The following PCK1 variants were observed in gnomAD, a reference collection of about 807,000 sequenced individuals.
PCK1 encodes phosphoenolpyruvate carboxykinase, cytosolic [GTP].
Under a neutral mutation model 50.3 loss-of-function variants are expected in PCK1, and 44 were observed. The ratio of observed to expected loss-of-function variants is 0.87; its 90% CI spans 0.69 to 1.12. The LOEUF is 1.12. PCK1 is among the 50% of genes most tolerant of loss of function. The pLI is 0.00. For missense variants in PCK1, 790 were observed against 815.0 expected (o/e 0.97, Z 0.37); for synonymous variants, 332 against 314.3 (o/e 1.06, Z -0.59).
intron 3 of PCK1, 183 bp downstream of exon 3, chr20:57,562,435 T>C (rs1404151513): frequency 4.6e-6 from 3 of 645,528 alleles, no homozygotes; most frequent in East Asian, 5.5e-5. Context: ...CAGACTGTCT[T>C]ATACAAACGT....
rs138176491 is a variant in PCK1 at position 57,563,059 on chromosome 20, G to A, written c.642G>A (p.Pro214=). Residue 214 remains proline (P), a synonymous_variant, in exon 5 of 10, where the codon CCG becomes CCA. Transcript: ENST00000319441. ...TGGTCAACAACTGGCCCTGCAACCC[G>A]GAGCTGACGCTCATCGCCCACCTGC... is the stretch of plus-strand genomic sequence containing the variant. ...KPLVNNWPCN[P]ELTLIAHLPD... 4.0e-5 allele frequency: 65 copies of A among 1,613,990 alleles called. No individual in the cohort carries two copies. Among genetic ancestry groups the A allele is most frequent in the Middle Eastern group, 3.3e-4 (2 of 6,060 alleles).
Position 57,565,922 on chromosome 20 carries a change from C to G in PCK1, c.*118C>G. 1 of 725,328 alleles carries G rather than the reference C, an allele frequency of 1.4e-6. No individual in the cohort carries two copies. The highest frequency in any genetic ancestry group is 2.2e-6 in the Non-Finnish European group (1 of 449,764). 44.9% of individuals were successfully genotyped at this position (725,328 alleles called of 1,614,324 possible). On this transcript the variant is annotated 3_prime_UTR_variant, in exon 10 of 10. Coordinates refer to ENST00000319441, the MANE Select transcript of PCK1 (RefSeq NM_002591.4). Reference sequence around the variant, plus strand: ...GCCACCATAATAATCATCACCACACCGTGAGCAGATCTGAAAGGCACACTT... The same window carrying G: ...GCCACCATAATAATCATCACCACACGGTGAGCAGATCTGAAAGGCACACTT...
rs17847716 is a variant in PCK1, at chr20:57,563,074, C to T, written c.657C>T (p.Ile219=). The part of the protein sequence containing the change: ...NWPCNPELTL[I]AHLPDRREII... Reference sequence around the variant, plus strand: ...CCTGCAACCCGGAGCTGACGCTCATCGCCCACCTGCCTGACCGCAGAGAGA... The same window carrying T: ...CCTGCAACCCGGAGCTGACGCTCATTGCCCACCTGCCTGACCGCAGAGAGA... Residue 219 remains isoleucine (I), a synonymous_variant, in exon 5 of 10, where the codon ATC becomes ATT. Coordinates refer to ENST00000319441, the MANE Select transcript of PCK1 (RefSeq NM_002591.4). 331 of 1,614,092 alleles carry T rather than the reference C, an allele frequency of 2.1e-4. No individual in the cohort carries two copies. In the African/African-American group the frequency reaches 2.4e-3, roughly 12 times the overall value.
chr20:57,564,232 A>G lies in PCK1; in HGVS notation c.1025A>G (p.Lys342Arg). 2 of 1,614,166 alleles carry G rather than the reference A, an allele frequency of 1.2e-6. No individual in the cohort carries two copies. Among genetic ancestry groups the G allele is most frequent in the Non-Finnish European group, 1.7e-6 (2 of 1,180,044 alleles). The change falls in exon 7 of 10, where the codon AAG (lysine) becomes AGG (arginine). Residue 342 changes from lysine to arginine, a missense_variant. Transcript: ENST00000319441. ...GGTGTCGCTCCTGGGACTTCAGTGAAGACCAACCCCAATGCCATCAAGACC... is the reference window on the plus strand; with the variant it reads ...GGTGTCGCTCCTGGGACTTCAGTGAGGACCAACCCCAATGCCATCAAGACC... Reference protein sequence around the residue: ...FFGVAPGTSVKTNPNAIKTIQ... With the variant: ...FFGVAPGTSVRTNPNAIKTIQ...
Position 57,567,431 on chromosome 20 carries a change from T to C in PCK1, c.*1627T>C, listed in dbSNP as rs1404001713. ...TCCTTCCCCATTAAGGAGCTGAGAGTCTTAGCTCCAGACACGTTGGCTTGT... is the reference window on the plus strand; with the variant it reads ...TCCTTCCCCATTAAGGAGCTGAGAGCCTTAGCTCCAGACACGTTGGCTTGT... On this transcript the variant is annotated 3_prime_UTR_variant, in exon 10 of 10. Coordinates refer to ENST00000319441, the MANE Select transcript of PCK1 (RefSeq NM_002591.4). The C allele has an allele frequency of 1.3e-5, 2 of 152,060 alleles. No individual in the cohort carries two copies. Among genetic ancestry groups the C allele is most frequent in the East Asian group, 1.9e-4 (1 of 5,184 alleles). The allele number at this position is 152,060 out of a possible 1,614,324, so 9.4% of individuals were successfully genotyped here.
chr20:57,564,710 G>T (rs2070186940), intron 8 of PCK1, 97 bp downstream of exon 8: 2 of 1,123,608 alleles, frequency 1.8e-6, no homozygotes, highest in African/African-American at 1.6e-5. Context: ...GTCAGAGGGT[G>T]CCCAGGGGCT....
chr20:57,562,201 G>A lies in PCK1; in HGVS notation c.355G>A (p.Glu119Lys), dbSNP rs1161582719. The A allele has an allele frequency of 1.9e-6, 3 of 1,614,104 alleles. No homozygotes were observed. The highest frequency in any genetic ancestry group is 2.7e-5 in the African/African-American group (2 of 74,946). The change falls in exon 3 of 10, where the codon GAG (glutamate) becomes AAG (lysine). Residue 119 changes from glutamate to lysine, a missense_variant. Coordinates refer to ENST00000319441, the MANE Select transcript of PCK1 (RefSeq NM_002591.4). ...GLSQLGRWMSEEDFEKAFNAR... is the reference protein window; with the variant it reads ...GLSQLGRWMSKEDFEKAFNAR... ...CAGCCAGCTCGGTCGCTGGATGTCA[G>A]AGGAGGATTTTGAGAAAGCGTTCAA...
chr20:57,565,086 T>C lies in PCK1; in HGVS notation c.1365T>C (p.Phe455=). The C allele has an allele frequency of 1.9e-6, 3 of 1,614,018 alleles. No homozygotes were observed. Among genetic ancestry groups the C allele is most frequent in the South Asian group, 1.1e-5 (1 of 91,068 alleles). Residue 455 remains phenylalanine (F), a synonymous_variant, in exon 9 of 10, where the codon TTT becomes TTC. Coordinates refer to ENST00000319441, the MANE Select transcript of PCK1 (RefSeq NM_002591.4). ...CTCTCAGCTGGCAACATGGAGTCTT[T>C]GTGGGGGCGGCCATGAGATCAGAGG... ...YEALSWQHGV[F]VGAAMRSEAT... is the part of the protein sequence containing the mutation.
At chr20:57,563,813 A>T (rs1347420012) in intron 6 of PCK1, 86 bp downstream of exon 6, 2 of 1,152,062 alleles carry the variant, frequency 1.7e-6, no homozygotes, top group African/African-American at 3.1e-5. Context: ...TCCTCAGTCC[A>T]GTGTTTGGAT....
At position 57,561,426 on chromosome 20, in the gene PCK1, G is replaced by A. The variant is rs2146526017; in HGVS notation, c.15G>A (p.Leu5=). Reference sequence around the variant, plus strand: ...ACTCTGCAGAAATGCCTCCTCAGCTGCAAAACGGCCTGAACCTCTCGGCCA... The same window carrying A: ...ACTCTGCAGAAATGCCTCCTCAGCTACAAAACGGCCTGAACCTCTCGGCCA... MPPQ[L]QNGLNLSAKV... is the part of the protein sequence containing the mutation. Residue 5 remains leucine, a synonymous_variant, in exon 2 of 10, where the codon CTG becomes CTA. Transcript: ENST00000319441. The A allele has an allele frequency of 1.9e-6, 3 of 1,612,246 alleles. No individual in the cohort carries two copies. The highest frequency in any genetic ancestry group is 2.5e-6 in the Non-Finnish European group (3 of 1,179,226).
Position 57,565,040 on chromosome 20 carries a change from G to T in PCK1, c.1319G>T (p.Gly440Val), listed in dbSNP as rs151290242. 27 of 1,608,688 alleles carry T rather than the reference G, an allele frequency of 1.7e-5. No homozygotes were observed. In the African/African-American group the frequency reaches 2.0e-4, roughly 12 times the overall value. The change falls in exon 9 of 10, where the codon GGT becomes GTT. Residue 440 changes from glycine to valine, a missense_variant and splice_region_variant. Gly to Val is a moderately radical substitution (Grantham distance 109). Coordinates refer to ENST00000319441, the MANE Select transcript of PCK1 (RefSeq NM_002591.4). ...TTTCTCTTTTTTTTTCCTGCTAAAG[G>T]TGTCCCTCTAGTCTATGAAGCTCTC... Reference protein sequence around the residue: ...GIIFGGRRPAGVPLVYEALSW... With the variant: ...GIIFGGRRPAVVPLVYEALSW...
chr20:57,563,136 T>C lies in PCK1; in HGVS notation c.719T>C (p.Leu240Pro). Residue 240 changes from leucine to proline, a missense_variant, in exon 5 of 10, where the codon CTG becomes CCG. Leu to Pro is a moderately conservative substitution (Grantham distance 98). Transcript: ENST00000319441. ...GGCAGTGGGTACGGCGGGAACTCGC[T>C]GCTCGGGAAGAAGTGCTTTGCTCTC... ...SFGSGYGGNS[L>P]LGKKCFALRM... 1.2e-6 allele frequency: 2 copies of C among 1,613,848 alleles called. No individual in the cohort carries two copies. Among genetic ancestry groups the C allele is most frequent in the Non-Finnish European group, 1.7e-6 (2 of 1,180,024 alleles).
rs1353877376 is a variant in PCK1, at chr20:57,565,449, C to G, written c.1514C>G (p.Ala505Gly). ...AHWLSMAQHPAAKLPKIFHVN... is the reference protein window; with the variant it reads ...AHWLSMAQHPGAKLPKIFHVN... ...TGGCTTAGCATGGCCCAGCACCCAGCAGCCAAACTGCCCAAGATCTTCCAT... is the reference window on the plus strand; with the variant it reads ...TGGCTTAGCATGGCCCAGCACCCAGGAGCCAAACTGCCCAAGATCTTCCAT... Residue 505 changes from alanine to glycine, a missense_variant, in exon 10 of 10, where the codon GCA (alanine) becomes GGA (glycine). By Grantham distance (60) the Ala-to-Gly change is moderately conservative (BLOSUM62 0). Coordinates refer to ENST00000319441, the MANE Select transcript of PCK1 (RefSeq NM_002591.4). The G allele has an allele frequency of 6.2e-7, 1 of 1,614,120 alleles. No individual in the cohort carries two copies. The highest frequency in any genetic ancestry group is 1.3e-5 in the African/African-American group (1 of 75,068).
At chr20:57,563,435 T>C in intron 5 of PCK1, 130 bp from the exon 6 acceptor site, 1 of 722,572 alleles carries the variant, frequency 1.4e-6, no homozygotes, top group South Asian at 1.9e-5. Flanking sequence ...TTCATGATTC[T>C]GGGAGTGTTT....
At position 57,566,161 on chromosome 20, in the gene PCK1, A is replaced by ATGTGTGTG. The variant is rs141075201; in HGVS notation, c.*386_*393dup. On this transcript the variant is annotated 3_prime_UTR_variant, in exon 10 of 10. Transcript: ENST00000319441. The stretch of plus-strand genomic sequence containing the variant: ...AAAAATACTTGAGCTGTATATATAT[A>ATGTGTGTG]TGTGTGTGTGTGTGTGTGTGTGTGT... 0.019 allele frequency: 2,966 copies of ATGTGTGTG among 159,648 alleles called. 53 individuals carry two copies. The highest frequency in any genetic ancestry group is 0.044 in the Admixed American group (697 of 16,020). 9.9% of individuals were successfully genotyped at this position (159,648 alleles called of 1,614,324 possible).
At chr20:57,561,991 G>T in intron 2 of PCK1, 80 bp from the exon 3 acceptor site, 1 of 1,160,302 alleles carries the variant, frequency 8.6e-7, no homozygotes, top group Non-Finnish European at 1.3e-6. Flanking sequence ...CACTCTGCTA[G>T]GCATGGAAAG....
At position 57,562,440 on chromosome 20, in the gene PCK1, A is replaced by G. The variant is rs551591378; in HGVS notation, c.406+188A>G. On this transcript the variant is annotated intron_variant, in intron 3 of 9. Transcript: ENST00000319441. Reference sequence around the variant, plus strand: ...TCTGCTTTTACAGACTGTCTTATACAAACGTGAAAACTAGTTCCATGCATA... The same window carrying G: ...TCTGCTTTTACAGACTGTCTTATACGAACGTGAAAACTAGTTCCATGCATA... 77 of 636,716 alleles carry G rather than the reference A, an allele frequency of 1.2e-4. No homozygotes were observed. The East Asian group carries it at 2.1e-3, about 17-fold the overall frequency. 39.4% of individuals were successfully genotyped at this position (636,716 alleles called of 1,614,324 possible).
rs369153854 is a variant in PCK1 at position 57,563,091 on chromosome 20, G to T, written c.674G>T (p.Arg225Leu). The T allele has an allele frequency of 1.2e-6, 2 of 1,614,108 alleles. No homozygotes were observed. The highest frequency in any genetic ancestry group is 8.5e-7 in the Non-Finnish European group (1 of 1,180,006). The change falls in exon 5 of 10, where the codon CGC becomes CTC. Residue 225 changes from arginine to leucine, a missense_variant. Arg to Leu is a moderately radical substitution (Grantham distance 102, BLOSUM62 -2). Coordinates refer to ENST00000319441, the MANE Select transcript of PCK1 (RefSeq NM_002591.4). ...ACGCTCATCGCCCACCTGCCTGACC[G>T]CAGAGAGATCATCTCCTTTGGCAGT... ...ELTLIAHLPD[R>L]REIISFGSGY... is the part of the protein sequence containing the mutation.
chr20:57,565,190 G>T (rs568065531), intron 9 of PCK1, 55 bp downstream of exon 9: 3 of 1,394,602 alleles, frequency 2.2e-6, no homozygotes, highest in Non-Finnish European at 3.1e-6. Context: ...AGCACTCTTC[G>T]TCACTCTTAT....
Sources: allele counts gnomAD v4.1 joint callset, GRCh38; gene constraint gnomAD v4.1.1; transcripts MANE v1.5; gene names NCBI Gene and HGNC (gene_info 2026-07-23, HGNC 2026-07-21).